The following SYNE2 variants were observed in gnomAD, a reference collection of about 807,000 sequenced individuals.
SYNE2 encodes the protein spectrin repeat containing nuclear envelope protein 2.
A neutral mutation model predicts 856.3 loss-of-function variants in SYNE2; 431 were observed. The ratio of observed to expected loss-of-function variants is 0.50; its 90% CI spans 0.47 to 0.55. The LOEUF is 0.55. Ranked by LOEUF, SYNE2 falls within the 20% of genes least tolerant of loss-of-function variation. The pLI, the probability that SYNE2 is intolerant of heterozygous loss-of-function variation, is 0.00. For synonymous variants in SYNE2, 2,923 were observed against 2,872.3 expected, an observed-to-expected ratio of 1.02 and a Z score of -0.56; for missense variants, 8,129 against 8,023.2, an observed-to-expected ratio of 1.01 and a Z score of -0.50.
intron 6 of SYNE2, among the ~76,000 whole-genome samples, chr14:63,945,380 A>G (rs894857825): frequency 3.9e-5 from 6 of 152,048 alleles, no homozygotes; most frequent in Non-Finnish European, 8.8e-5. Context: ...CTTTAACACC[A>G]TACAAATGGA....
At chr14:63,862,093 T>C (rs1327066657) in intron 1 of SYNE2, among the ~76,000 whole-genome samples, 1 of 152,206 alleles carries the variant, frequency 6.6e-6, no homozygotes, top group East Asian at 1.9e-4. Context: ...AATAATTGGA[T>C]TTTAAATTAT....
intron 78 of SYNE2, among the ~76,000 whole-genome samples, chr14:64,137,182 GGGTTGGTT>G (rs930270779): frequency 1.3e-5 from 2 of 152,066 alleles, no homozygotes; most frequent in African/African-American, 2.4e-5. Context: ...AAGTTGATTT[GGGTTGGTT>G]GGTTGGTTTG....
chr14:64,102,501 A>ATTTTTTT (rs1211142346), intron 64 of SYNE2, among the ~76,000 whole-genome samples: 1 of 118,268 alleles, frequency 8.5e-6, no homozygotes, highest in Non-Finnish European at 1.7e-5. Flanking sequence ...CATGGGCTGA[A>ATTTTTTT]TTTTTTTTTT....
chr14:63,948,401 C>T lies in SYNE2; in HGVS notation c.409-1424C>T, dbSNP rs187882898. Reference sequence around the variant, plus strand: ...TGCTTAGGCCGGGTGCGGTGGCTCACGCCTGTAATCCCAGCATTTTGGGAG... The same window carrying T: ...TGCTTAGGCCGGGTGCGGTGGCTCATGCCTGTAATCCCAGCATTTTGGGAG... On this transcript the variant is annotated intron_variant, in intron 6 of 115. Transcript: ENST00000555002. Among the ~76,000 whole-genome samples the T allele has an allele frequency of 4.7e-3, 712 of 152,092 alleles. 12 individuals carry two copies. The highest frequency in any genetic ancestry group is 0.016 in the African/African-American group (673 of 41,494).
At chr14:63,879,827 A>G (rs1200653680) in intron 1 of SYNE2, among the ~76,000 whole-genome samples, 1 of 152,260 alleles carries the variant, frequency 6.6e-6, no homozygotes, top group Non-Finnish European at 1.5e-5. Flanking sequence ...AAGAGCATTC[A>G]ACAAATGAGC....
rs747214483 is a variant in SYNE2 at position 64,167,635 on chromosome 14, A to G, written c.16901A>G (p.Tyr5634Cys). ...LPELLEQQKTYKMLEAEVSIN... is the reference protein window; with the variant it reads ...LPELLEQQKTCKMLEAEVSIN... ...GAGCTCCTGGAGCAGCAGAAAACCT[A>G]TAAGGTAAACCTGTGTTCTCTGCCA... The change falls in exon 92 of 116, where the codon TAT (tyrosine) becomes TGT (cysteine). Residue 5634 changes from tyrosine to cysteine, a missense_variant. By Grantham distance (194) the Tyr-to-Cys change is radical (BLOSUM62 -2). This residue lies in a region of SYNE2 where 5,410 missense variants were observed against 5,284.8 expected (regional missense o/e 1.02). Transcript: ENST00000555002. The G allele has an allele frequency of 1.2e-5, 19 of 1,614,106 alleles. No homozygotes were observed. The highest frequency in any genetic ancestry group is 1.7e-5 in the Admixed American group (1 of 60,010).
rs755173775 is a variant in SYNE2, at chr14:64,122,073, A to C, written c.13220A>C (p.Lys4407Thr). 3 of 1,614,098 alleles carry C rather than the reference A, an allele frequency of 1.9e-6. No homozygotes were observed. The highest frequency in any genetic ancestry group is 2.5e-6 in the Non-Finnish European group (3 of 1,180,004). Residue 4407 changes from lysine to threonine, a missense_variant, in exon 69 of 116, where the codon AAG (lysine) becomes ACG (threonine). Lys to Thr is a moderately conservative substitution (Grantham distance 78). Transcript: ENST00000555002. ...DFIKFIEFNA[K>T]KMWPQYCQHD... ...ATCAAATTCATAGAATTTAATGCTA[A>C]GAAAATGTGGCCCCAGTATTGCCAA...
At chr14:63,920,836 G>A (rs531090218) in intron 2 of SYNE2, among the ~76,000 whole-genome samples, 1 of 152,214 alleles carries the variant, frequency 6.6e-6, no homozygotes, top group South Asian at 2.1e-4. Context: ...GGTTTTGGCC[G>A]GGTATGGTGG....
Position 64,223,364 on chromosome 14 carries a change from C to T in SYNE2, c.20366C>T (p.Ala6789Val), listed in dbSNP as rs765411016. Residue 6789 changes from alanine (A) to valine (V), a missense_variant, in exon 113 of 116, where the codon GCC becomes GTC. Physicochemically the swap from Ala to Val is moderately conservative, Grantham distance 64. This residue lies in a region of SYNE2 where 5,410 missense variants were observed against 5,284.8 expected (regional missense o/e 1.02). Transcript: ENST00000555002. Reference protein sequence around the residue: ...LREQVSQDLMALQGTQNPASP... With the variant: ...LREQVSQDLMVLQGTQNPASP... The stretch of plus-strand genomic sequence containing the variant: ...GAGCAAGTGTCCCAAGATTTAATGG[C>T]CTTGCAGGGAACCCAGGTGAGTCTA... The T allele has an allele frequency of 1.9e-6, 3 of 1,613,826 alleles. No individual in the cohort carries two copies. Among genetic ancestry groups the T allele is most frequent in the East Asian group, 4.5e-5 (2 of 44,892 alleles).
At chr14:64,078,819 C>T (rs973822210) in intron 55 of SYNE2, among the ~76,000 whole-genome samples, 10 of 152,164 alleles carry the variant, frequency 6.6e-5, no homozygotes, top group African/African-American at 2.4e-4. Context: ...CGCCTGTAAT[C>T]CCAGCACTTT....
At chr14:63,911,778 A>G (rs983524250) in intron 2 of SYNE2, among the ~76,000 whole-genome samples, 4 of 152,226 alleles carry the variant, frequency 2.6e-5, no homozygotes, top group African/African-American at 9.6e-5. Context: ...TCACATCCAG[A>G]ATATGGAGGG....
rs765399072 is a variant in SYNE2, at chr14:63,844,280, G to A, written c.-304-8221G>A. On this transcript the variant is annotated intron_variant, in intron 1 of 23. Coordinates refer to the SYNE2 transcript ENST00000674003. ...TCATATACTTGGAGTCATACAGTAC[G>A]TGGAGATTGACTTCTCCTATTTAGT... Among the ~76,000 whole-genome samples, 39 of 152,112 alleles carry A rather than the reference G, an allele frequency of 2.6e-4. 1 individual carries two copies. Among genetic ancestry groups the A allele is most frequent in the Non-Finnish European group, 3.4e-4 (23 of 68,020 alleles).
chr14:64,169,019 G>A (rs1205283708), intron 93 of SYNE2, 48 bp downstream of exon 93: 1 of 1,446,220 alleles, frequency 6.9e-7, no homozygotes, highest in Admixed American at 1.7e-5. Flanking sequence ...GGAAGGTAAT[G>A]CATTCAGTCA....
At chr14:63,886,505 G>T (rs911691591) in intron 1 of SYNE2, among the ~76,000 whole-genome samples, 1 of 152,126 alleles carries the variant, frequency 6.6e-6, no homozygotes, top group African/African-American at 2.4e-5. Context: ...GATACATTGT[G>T]TGATTATTAA....
chr14:64,191,953 G>GTGCTGT (rs1336874201), intron 99 of SYNE2, among the ~76,000 whole-genome samples: 1 of 152,224 alleles, frequency 6.6e-6, no homozygotes, highest in East Asian at 1.9e-4. Flanking sequence ...TACATCAGAG[G>GTGCTGT]CCGCTGGTGC....
intron 8 of SYNE2, chr14:63,960,611 T>C (rs888797568): frequency 1.7e-6 from 1 of 588,452 alleles, no homozygotes; most frequent in African/African-American, 1.9e-5. Context: ...GTGAAGTGTT[T>C]TTTTTTTTCC....
chr14:64,190,648 G>A (rs1485223907), intron 99 of SYNE2: 8 of 701,268 alleles, frequency 1.1e-5, no homozygotes, highest in Admixed American at 2.0e-5. Flanking sequence ...GGATGCTGGG[G>A]GCCCATGACT....
chr14:64,029,073 T>C (rs752106339), intron 43 of SYNE2, among the ~76,000 whole-genome samples: 1 of 152,058 alleles, frequency 6.6e-6, no homozygotes, highest in Non-Finnish European at 1.5e-5. Flanking sequence ...GAGGTAGAGG[T>C]TGCAGTGAGC....
chr14:63,838,426 G>C (rs1022351584), intron 1 of SYNE2, among the ~76,000 whole-genome samples: 8 of 152,026 alleles, frequency 5.3e-5, no homozygotes, highest in African/African-American at 1.9e-4. Context: ...TTTATTATAA[G>C]TAAATTATTC....
Sources: gnomAD v4.1 joint callset for allele counts (sites outside exome capture counted in the v4.1 genomes callset) on GRCh38, gnomAD v4.1.1 for gene constraint, gnomAD v4.1.1 regional missense constraint, MANE v1.5 for transcripts, NCBI Gene and HGNC (gene_info 2026-07-23, HGNC 2026-07-21) for gene names.